Variants in TUT7 observed in about 807,000 individuals in gnomAD.
The protein encoded by TUT7 is terminal uridylyltransferase 7.
Under a neutral mutation model 165.9 loss-of-function variants are expected in TUT7, and 33 were observed. The ratio of observed to expected loss-of-function variants is 0.20; its 90% confidence interval spans 0.15 to 0.27. TUT7 has a LOEUF of 0.27. TUT7 is among the 10% of genes least tolerant of loss of function. TUT7 has a pLI of 1.00. For synonymous variants in TUT7, 552 were observed against 608.1 expected, an observed-to-expected ratio of 0.91 and a Z score of 1.36; for missense variants, 1,338 against 1,762.3, an observed-to-expected ratio of 0.76 and a Z score of 4.31.
chr9:86,322,821 T>C, intron 13 of TUT7, 52 bp downstream of exon 13: 1 of 1,514,916 alleles, frequency 6.6e-7, no homozygotes. Context: ...ATTAAATGCA[T>C]TCAAAGTCCT....
At chr9:86,294,149 G>A (rs1432466335) in intron 26 of TUT7, among the ~76,000 whole-genome samples, 1 of 151,996 alleles carries the variant, frequency 6.6e-6, no homozygotes, top group African/African-American at 2.4e-5. Context: ...CAAGGCTTAG[G>A]CTGGTTTTCA....
At chr9:86,313,300 C>T (rs1361500926) in intron 17 of TUT7, among the ~76,000 whole-genome samples, 2 of 151,974 alleles carry the variant, frequency 1.3e-5, no homozygotes, top group African/African-American at 4.8e-5. Flanking sequence ...GGCAGGGTGA[C>T]CACTTATGAA....
intron 5 of TUT7, among the ~76,000 whole-genome samples, chr9:86,344,335 T>C (rs940029917): frequency 6.6e-6 from 1 of 152,146 alleles, no homozygotes; most frequent in Non-Finnish European, 1.5e-5. Flanking sequence ...GTGGGGTTTG[T>C]TGCCATCAAG....
chr9:86,349,911 A>G (rs1041018691), intron 2 of TUT7, among the ~76,000 whole-genome samples: 6 of 152,226 alleles, frequency 3.9e-5, no homozygotes, highest in African/African-American at 1.4e-4. Context: ...TACACTTAAA[A>G]GCAACTTCTT....
intron 10 of TUT7, 126 bp from the exon 11 acceptor site, chr9:86,328,618 T>C: frequency 1.5e-6 from 1 of 680,632 alleles, no homozygotes; most frequent in Admixed American, 3.7e-5. Context: ...ATTTATGGAC[T>C]ATCACAGAGA....
intron 26 of TUT7, among the ~76,000 whole-genome samples, chr9:86,300,714 C>T (rs1397514105): frequency 1.3e-5 from 2 of 152,186 alleles, no homozygotes; most frequent in Non-Finnish European, 1.5e-5. Context: ...TTTTCTTCGT[C>T]ATAAGAATAA....
intron 23 of TUT7, 27 bp downstream of exon 23, chr9:86,305,165 A>G: frequency 6.4e-7 from 1 of 1,571,026 alleles, no homozygotes. Flanking sequence ...AAAATAAAAA[A>G]TAAAATTGAC....
intron 6 of TUT7, 98 bp from the exon 7 acceptor site, chr9:86,341,151 G>A (rs1179827664): frequency 3.1e-6 from 3 of 957,072 alleles, no homozygotes; most frequent in Non-Finnish European, 5.0e-6. Flanking sequence ...CTTTCTAAAT[G>A]AGAAATGCAC....
chr9:86,294,586 T>TTA lies in TUT7; in HGVS notation c.4421-5843_4421-5842insTA, dbSNP rs1826149012. Among the ~76,000 whole-genome samples, 3 of 150,508 alleles carry TTA rather than the reference T, an allele frequency of 2.0e-5. No homozygotes were observed. The South Asian group carries it at 6.3e-4, about 32-fold the overall frequency. On this transcript the variant is annotated intron_variant, in intron 26 of 26. Coordinates refer to ENST00000375963, the MANE Select transcript of TUT7 (RefSeq NM_024617.4). ...GGGGTTTTTCCATTTTTATCAACTA[T>TTA]AAAAAAAAATTAGGGATAGAAAAGG...
chr9:86,333,234 C>T (rs926341179), intron 10 of TUT7, among the ~76,000 whole-genome samples: 1 of 152,142 alleles, frequency 6.6e-6, no homozygotes, highest in Middle Eastern at 3.2e-3. Context: ...TAAGCCTTGG[C>T]CCCCAACTAT....
intron 5 of TUT7, 81 bp from the exon 6 acceptor site, chr9:86,343,244 A>C (rs945851255): frequency 1.2e-6 from 1 of 839,996 alleles, no homozygotes; most frequent in Middle Eastern, 3.8e-4. Flanking sequence ...CTATTTCAGA[A>C]GCAGAACCAT....
At chr9:86,332,307 C>T (rs1436804898) in intron 10 of TUT7, among the ~76,000 whole-genome samples, 2 of 152,074 alleles carry the variant, frequency 1.3e-5, no homozygotes, top group African/African-American at 2.4e-5. Context: ...ATCAGTGACA[C>T]ACTGGATAAA....
In TUT7 at chr9:86,304,921, T is replaced by C. The variant is rs556996114; in HGVS notation, c.3913A>G (p.Ile1305Val). Reference protein sequence around the residue: ...KMTNFIMKAFINGRRVFGIPV... With the variant: ...KMTNFIMKAFVNGRRVFGIPV... ...ATACCAAATACTCTTCTACCATTGA[T>C]AAAAGCCTTCATTATAAAATTTGTC... The change falls in exon 24 of 27, where the codon ATC becomes GTC. Residue 1305 changes from isoleucine (I) to valine (V), a missense_variant. Ile to Val is a conservative substitution (Grantham distance 29). Around this residue, in one of 7 missense-constraint regions of TUT7, gnomAD observed 157 missense variants for 357.5 expected, o/e 0.44. Coordinates refer to ENST00000375963, the MANE Select transcript of TUT7 (RefSeq NM_024617.4). 1 of 1,610,738 alleles carries C rather than the reference T, an allele frequency of 6.2e-7. No homozygotes were observed. The highest frequency in any genetic ancestry group is 1.3e-5 in the African/African-American group (1 of 74,874).
intron 17 of TUT7, among the ~76,000 whole-genome samples, chr9:86,313,949 CTT>C (rs1347021072): frequency 6.6e-6 from 1 of 152,254 alleles, no homozygotes; most frequent in African/African-American, 2.4e-5. Flanking sequence ...GGAAATGAAA[CTT>C]AATCTGATGG....
chr9:86,293,999 G>A (rs1403287614), intron 26 of TUT7, among the ~76,000 whole-genome samples: 3 of 152,208 alleles, frequency 2.0e-5, no homozygotes, highest in African/African-American at 4.8e-5. Flanking sequence ...ACCCGCCTCG[G>A]TGTCTCAAAG....
In TUT7 at chr9:86,353,989, C is replaced by T. The variant is rs568162765; in HGVS notation, c.-32+282G>A. ...TTAGTTTCCACCCTTTTGAGCCCGA[C>T]GTGGAGAAAGAGGAGGCGTCCCTGC... On this transcript the variant is annotated intron_variant, in intron 1 of 26. Transcript: ENST00000375963. 1.3e-4 allele frequency among the ~76,000 whole-genome samples: 20 copies of T among 152,306 alleles called. No individual in the cohort carries two copies. In the South Asian group the frequency reaches 4.1e-3, roughly 32 times the overall value.
intron 26 of TUT7, among the ~76,000 whole-genome samples, chr9:86,292,276 ATG>A (rs1350078479): frequency 1.3e-5 from 2 of 152,096 alleles, no homozygotes; most frequent in African/African-American, 4.8e-5. Context: ...GGAGAAACAT[ATG>A]TTAAGGAGTA....
chr9:86,328,852 C>A (rs756852955), intron 10 of TUT7, among the ~76,000 whole-genome samples: 5 of 152,016 alleles, frequency 3.3e-5, no homozygotes, highest in Non-Finnish European at 7.4e-5. Context: ...TCTCTGTAGG[C>A]CTCAGGTTCC....
chr9:86,322,520 G>C, intron 13 of TUT7, 45 bp from the exon 14 acceptor site: 2 of 1,571,484 alleles, frequency 1.3e-6, no homozygotes, highest in South Asian at 1.2e-5. Context: ...CACTTTATTT[G>C]CCAAATAAAG....
Sources: gnomAD v4.1 joint callset for allele counts (sites outside exome capture counted in the v4.1 genomes callset) on GRCh38, gnomAD v4.1.1 for gene constraint, gnomAD v4.1.1 regional missense constraint, MANE v1.5 for transcripts, NCBI Gene and HGNC (gene_info 2026-07-23, HGNC 2026-07-21) for gene names.